Variants in SETBP1 observed in about 807,000 individuals in gnomAD.
SETBP1 encodes the protein SET binding protein 1.
A neutral mutation model predicts 101.0 loss-of-function variants in SETBP1; 9 were observed. The ratio of observed to expected loss-of-function variants is 0.09; its 90% CI spans 0.05 to 0.16. The LOEUF (loss-of-function observed/expected upper bound fraction) is 0.16. SETBP1 is among the 10% of genes least tolerant of loss of function. The pLI is 1.00. For synonymous variants in SETBP1, 818 were observed against 788.5 expected, an observed-to-expected ratio of 1.04 and a Z score of -0.63; for missense variants, 1,858 against 2,033.8, an observed-to-expected ratio of 0.91 and a Z score of 1.66.
At chr18:45,001,002 A>G (rs1051632983) in intron 4 of SETBP1, among the ~76,000 whole-genome samples, 9 of 152,186 alleles carry the variant, frequency 5.9e-5, no homozygotes, top group Non-Finnish European at 1.2e-4. Flanking sequence ...TGCAAATAGA[A>G]TGATTCCTTA....
chr18:44,763,739 T>G (rs1042391027), intron 2 of SETBP1, among the ~76,000 whole-genome samples: 4 of 152,224 alleles, frequency 2.6e-5, no homozygotes, highest in Non-Finnish European at 5.9e-5. Context: ...ACAGTCTCAT[T>G]TGACATATTA....
At chr18:44,722,821 G>C (rs900278556) in intron 2 of SETBP1, among the ~76,000 whole-genome samples, 1 of 152,218 alleles carries the variant, frequency 6.6e-6, no homozygotes, top group African/African-American at 2.4e-5. Flanking sequence ...TTCCAGATTG[G>C]CCAAAGAAAA....
rs115302117 is a variant in SETBP1 at position 44,810,010 on chromosome 18, A to G, written c.487-59220A>G. 5.6e-3 allele frequency among the ~76,000 whole-genome samples: 851 copies of G among 151,982 alleles called. 5 individuals are homozygous for G. Among genetic ancestry groups the G allele is most frequent in the African/African-American group, 0.019 (793 of 41,440 alleles). On this transcript the variant is annotated intron_variant, in intron 2 of 5. Transcript: ENST00000649279. ...TCCTTAGGGCCTCCCTGCAAGAACT[A>G]TTTTCTCCCTCATTTTTACAGGTCC... is the stretch of plus-strand genomic sequence containing the variant.
At chr18:44,930,651 T>C (rs1599337479) in intron 3 of SETBP1, among the ~76,000 whole-genome samples, 1 of 152,222 alleles carries the variant, frequency 6.6e-6, no homozygotes, top group South Asian at 2.1e-4. Flanking sequence ...AACTTCTTCC[T>C]AGTTTAGTCT....
chr18:44,921,939 G>T (rs985963604), intron 3 of SETBP1, among the ~76,000 whole-genome samples: 2 of 152,172 alleles, frequency 1.3e-5, no homozygotes, highest in African/African-American at 4.8e-5. Context: ...AGGATCTTTT[G>T]TGATGAGAGT....
chr18:44,875,360 A>G (rs1468793730), intron 3 of SETBP1, among the ~76,000 whole-genome samples: 1 of 152,006 alleles, frequency 6.6e-6, no homozygotes, highest in African/African-American at 2.4e-5. Flanking sequence ...TCTACTAAAA[A>G]TACAAAAACT....
intron 2 of SETBP1, among the ~76,000 whole-genome samples, chr18:44,832,124 A>G (rs558212307): frequency 1.7e-4 from 26 of 152,326 alleles, no homozygotes; most frequent in African/African-American, 6.0e-4. Context: ...GTGGACAGGA[A>G]TGAGCCCTTT....
At chr18:44,841,227 A>G (rs1275236987) in intron 2 of SETBP1, among the ~76,000 whole-genome samples, 1 of 152,126 alleles carries the variant, frequency 6.6e-6, no homozygotes, top group Non-Finnish European at 1.5e-5. Flanking sequence ...TCCCCTTTCC[A>G]GGGTGGCTCA....
Position 44,702,720 on chromosome 18 carries a change from G to T in SETBP1, c.486+888G>T, listed in dbSNP as rs117297259. Among the ~76,000 whole-genome samples the T allele has an allele frequency of 9.0e-3, 1,362 of 151,992 alleles. 9 individuals are homozygous for T. Among genetic ancestry groups the T allele is most frequent in the Non-Finnish European group, 0.014 (936 of 67,938 alleles). On this transcript the variant is annotated intron_variant, in intron 2 of 5. Coordinates refer to ENST00000649279, the MANE Select transcript of SETBP1 (RefSeq NM_015559.3). ...TCTTCCTAAGATGAATTACTCACCT[G>T]ACTAAGGAAACCCAGTCTTTGTAGT...
intron 4 of SETBP1, among the ~76,000 whole-genome samples, chr18:45,031,251 G>T (rs372451798): frequency 3.3e-5 from 5 of 152,132 alleles, no homozygotes; most frequent in East Asian, 1.9e-4. Context: ...AAGAGTACTT[G>T]TTCTATCTTA....
At chr18:44,848,686 G>T (rs2072780443) in intron 2 of SETBP1, among the ~76,000 whole-genome samples, 1 of 152,226 alleles carries the variant, frequency 6.6e-6, no homozygotes, top group Non-Finnish European at 1.5e-5. Flanking sequence ...AAACAGATGA[G>T]AAGGGTTGCA....
At chr18:44,832,419 C>T (rs566779359) in intron 2 of SETBP1, among the ~76,000 whole-genome samples, 2 of 152,308 alleles carry the variant, frequency 1.3e-5, no homozygotes, top group South Asian at 4.1e-4. Flanking sequence ...ATGCTGATGC[C>T]CCTGGCTCTC....
intron 2 of SETBP1, among the ~76,000 whole-genome samples, chr18:44,721,209 G>A (rs976110472): frequency 1.4e-4 from 22 of 152,116 alleles, no homozygotes; most frequent in African/African-American, 5.3e-4. Flanking sequence ...GAATTCATAA[G>A]CATCTTACTG....
intron 4 of SETBP1, among the ~76,000 whole-genome samples, chr18:44,985,144 A>T (rs2072203629): frequency 6.6e-6 from 1 of 152,174 alleles, no homozygotes; most frequent in Non-Finnish European, 1.5e-5. Context: ...CCTTTTGAAC[A>T]TAAAATGTTT....
At chr18:44,835,276 C>A (rs1327033513) in intron 2 of SETBP1, among the ~76,000 whole-genome samples, 1 of 152,066 alleles carries the variant, frequency 6.6e-6, no homozygotes, top group African/African-American at 2.4e-5. Flanking sequence ...CGAAGAGGCC[C>A]TTGGGTGCGG....
chr18:44,978,132 T>C (rs1331922474), intron 4 of SETBP1, among the ~76,000 whole-genome samples: 1 of 152,094 alleles, frequency 6.6e-6, no homozygotes, highest in African/African-American at 2.4e-5. Context: ...GGAAAAAACA[T>C]AGCTCCATTA....
At chr18:44,713,834 C>T (rs1293350611) in intron 2 of SETBP1, among the ~76,000 whole-genome samples, 1 of 152,206 alleles carries the variant, frequency 6.6e-6, no homozygotes, top group Non-Finnish European at 1.5e-5. Context: ...TCTTTGTGCA[C>T]AGTTCTGGGC....
At chr18:44,865,681 A>G (rs962940978) in intron 2 of SETBP1, among the ~76,000 whole-genome samples, 3 of 152,186 alleles carry the variant, frequency 2.0e-5, no homozygotes, top group Admixed American at 6.5e-5. Flanking sequence ...GTTTGGCCCA[A>G]CAGCCCATGC....
chr18:44,919,755 T>C (rs8095952), intron 3 of SETBP1, among the ~76,000 whole-genome samples: 37,210 of 151,252 alleles, frequency 0.25, 4,613 homozygotes, highest in East Asian at 0.27. Context: ...TGTATACATA[T>C]GTGTATTGTA....
Sources: allele counts gnomAD v4.1 joint callset (sites outside exome capture counted in the v4.1 genomes callset), GRCh38; gene constraint gnomAD v4.1.1; transcripts MANE v1.5; gene names NCBI Gene and HGNC (gene_info 2026-07-23, HGNC 2026-07-21).